The following FBXO25 variants were observed in gnomAD, a reference collection of about 807,000 sequenced individuals.
The protein encoded by FBXO25 is F-box only protein 25.
In FBXO25, 45 loss-of-function variants were observed where a neutral mutation model predicts 51.9. The ratio of observed to expected loss-of-function variants is 0.87; its 90% CI spans 0.68 to 1.11. FBXO25 has a LOEUF of 1.11. FBXO25 is among the 50% of genes most tolerant of loss of function. The pLI is 0.00. For missense variants in FBXO25, 507 were observed against 428.5 expected (o/e 1.18, Z -1.62); for synonymous variants, 199 against 151.0 (o/e 1.32, Z -2.33).
At chr8:431,891 C>T (rs1375824771) in intron 3 of FBXO25, among the ~76,000 whole-genome samples, 1 of 152,150 alleles carries the variant, frequency 6.6e-6, no homozygotes, top group African/African-American at 2.4e-5. Context: ...TGCAGCATAT[C>T]TGTGAGTTAC....
chr8:428,266 C>T (rs183241317), intron 2 of FBXO25, among the ~76,000 whole-genome samples: 27 of 152,216 alleles, frequency 1.8e-4, no homozygotes, highest in African/African-American at 5.3e-4. Context: ...AAGGGGGTGA[C>T]GTATGCTGTG....
chr8:467,707 C>T (rs776615200), intron 9 of FBXO25: 3 of 1,613,802 alleles, frequency 1.9e-6, no homozygotes, highest in Non-Finnish European at 1.7e-6. Context: ...ATTCTTTCTT[C>T]ATGATCTCGA....
chr8:435,166 C>T (rs940502399), intron 4 of FBXO25, among the ~76,000 whole-genome samples: 1 of 152,152 alleles, frequency 6.6e-6, no homozygotes, highest in East Asian at 1.9e-4. Context: ...GCAGTGCATG[C>T]CTCCCCTGCA....
chr8:431,503 C>G (rs530410664), intron 3 of FBXO25, 59 bp downstream of exon 3: 2 of 837,648 alleles, frequency 2.4e-6, no homozygotes, highest in Non-Finnish European at 3.8e-6. Flanking sequence ...TACTAAATTA[C>G]TCTGACAATG....
chr8:465,430 A>G (rs1440428912), intron 9 of FBXO25, among the ~76,000 whole-genome samples: 1 of 152,200 alleles, frequency 6.6e-6, no homozygotes, highest in African/African-American at 2.4e-5. Flanking sequence ...AATACCATTC[A>G]TAGAAGGGAT....
chr8:415,361 G>A (rs1175389403), intron 2 of FBXO25, among the ~76,000 whole-genome samples: 3 of 152,164 alleles, frequency 2.0e-5, no homozygotes, highest in Non-Finnish European at 4.4e-5. Context: ...TGGTTGATCT[G>A]GGGGCAGCCA....
At position 468,750 on chromosome 8, in the gene FBXO25, C is replaced by G. The variant is rs779711503; in HGVS notation, c.1023C>G (p.Asp341Glu). Residue 341 changes from aspartate to glutamate, a missense_variant, in exon 10 of 10, where the codon GAC becomes GAG. Transcript: ENST00000350302. Reference protein sequence around the residue: ...SGHPCTAADPDSCFTPVSPQH... With the variant: ...SGHPCTAADPESCFTPVSPQH... ...ACCCCTGCACGGCGGCCGACCCTGA[C>G]AGCTGCTTCACGCCTGTGTCTCCGC... 1 of 1,613,970 alleles carries G rather than the reference C, an allele frequency of 6.2e-7. No individual in the cohort carries two copies. The highest frequency in any genetic ancestry group is 1.3e-5 in the African/African-American group (1 of 74,912).
chr8:410,280 A>G (rs1431113333), intron 1 of FBXO25, among the ~76,000 whole-genome samples: 2 of 152,218 alleles, frequency 1.3e-5, no homozygotes, highest in Admixed American at 6.5e-5. Context: ...GTGTTTTGCT[A>G]TTGTTCTTTT....
chr8:436,634 A>G (rs900962591), intron 5 of FBXO25, among the ~76,000 whole-genome samples: 27 of 152,120 alleles, frequency 1.8e-4, no homozygotes, highest in Non-Finnish European at 3.4e-4. Context: ...AGATATTTAC[A>G]CACTGGCCAG....
At chr8:425,461 A>G (rs1797415507) in intron 2 of FBXO25, among the ~76,000 whole-genome samples, 1 of 150,488 alleles carries the variant, frequency 6.6e-6, no homozygotes, top group African/African-American at 2.4e-5. Context: ...TTTTATCTTG[A>G]GAGCCAGCTT....
intron 2 of FBXO25, among the ~76,000 whole-genome samples, chr8:426,153 C>T (rs1281243703): frequency 2.0e-5 from 3 of 152,174 alleles, no homozygotes; most frequent in Non-Finnish European, 4.4e-5. Flanking sequence ...AAAGACCACC[C>T]TGCAGCTCAC....
intron 5 of FBXO25, among the ~76,000 whole-genome samples, chr8:439,618 C>T (rs567982278): frequency 6.3e-4 from 96 of 152,234 alleles, no homozygotes; most frequent in Non-Finnish European, 1.1e-3. Context: ...TAGATGTAGG[C>T]GAAGAGTCGG....
chr8:473,313 G>T lies in FBXO25; in HGVS notation c.*4509G>T, dbSNP rs1406286466. ...CATCATTGTGTGCCTAAAAAGCCCTGGCTCACAGCATGAGACAGTGTGTTC... is the reference window on the plus strand; with the variant it reads ...CATCATTGTGTGCCTAAAAAGCCCTTGCTCACAGCATGAGACAGTGTGTTC... On this transcript the variant is annotated 3_prime_UTR_variant, in exon 10 of 10. Transcript: ENST00000350302. 6.6e-6 allele frequency: 1 copy of T among 152,206 alleles called. No homozygotes were observed. The highest frequency in any genetic ancestry group is 1.5e-5 in the Non-Finnish European group (1 of 68,120). The allele number at this position is 152,206 out of a possible 1,614,324, so 9.4% of individuals were successfully genotyped here.
At chr8:445,331 G>A (rs983052668) in intron 5 of FBXO25, among the ~76,000 whole-genome samples, 7 of 152,158 alleles carry the variant, frequency 4.6e-5, no homozygotes, top group Non-Finnish European at 1.0e-4. Flanking sequence ...GATAGGAGGG[G>A]AGGTAGTCGG....
At chr8:456,972 A>G (rs1034524550) in intron 7 of FBXO25, among the ~76,000 whole-genome samples, 12 of 152,198 alleles carry the variant, frequency 7.9e-5, no homozygotes, top group African/African-American at 2.9e-4. Flanking sequence ...TTGAGAACCA[A>G]ACTCATGGAA....
chr8:421,329 C>G (rs12545734), intron 2 of FBXO25, among the ~76,000 whole-genome samples: 8,831 of 152,236 alleles, frequency 0.058, 279 homozygotes, highest in Middle Eastern at 0.078. Flanking sequence ...TCCTTGGTGC[C>G]AAAACGGTTA....
At chr8:416,797 A>G (rs140554400) in intron 2 of FBXO25, among the ~76,000 whole-genome samples, 1 of 152,370 alleles carries the variant, frequency 6.6e-6, no homozygotes, top group Non-Finnish European at 1.5e-5. Context: ...GGATACAGCA[A>G]TAAATGAAAC....
intron 2 of FBXO25, among the ~76,000 whole-genome samples, chr8:428,585 G>T (rs1797634185): frequency 6.6e-6 from 1 of 152,082 alleles, no homozygotes; most frequent in South Asian, 2.1e-4. Context: ...TAAATGTACA[G>T]TTCAGTGGTG....
chr8:425,735 A>C (rs1229375078), intron 2 of FBXO25, among the ~76,000 whole-genome samples: 1 of 152,002 alleles, frequency 6.6e-6, no homozygotes, highest in African/African-American at 2.4e-5. Flanking sequence ...TCTTATATGC[A>C]GTATGGTGTT....
Sources: gnomAD v4.1 joint callset for allele counts (sites outside exome capture counted in the v4.1 genomes callset) on GRCh38, gnomAD v4.1.1 for gene constraint, MANE v1.5 for transcripts, NCBI Gene and HGNC (gene_info 2026-07-23, HGNC 2026-07-21) for gene names.